Variants in PRKCQ observed in about 807,000 individuals in gnomAD.
The protein encoded by PRKCQ is protein kinase C theta type.
A neutral mutation model predicts 91.2 loss-of-function variants in PRKCQ; 41 were observed. That is an observed-to-expected ratio of 0.45 (90% CI 0.35 to 0.58). PRKCQ has a LOEUF of 0.58. Among genes scored for constraint, PRKCQ ranks in the 20% least tolerant of loss-of-function variants. The pLI is 0.00. For missense variants in PRKCQ, 673 were observed against 896.5 expected (o/e 0.75, Z 3.18); for synonymous variants, 307 against 316.9 (o/e 0.97, Z 0.33).
rs1351428583 is a variant in PRKCQ at position 6,453,122 on chromosome 10, C to G, written c.1647+3552G>C. On this transcript the variant is annotated intron_variant, in intron 15 of 17. Transcript: ENST00000263125. Reference sequence around the variant, plus strand: ...TCTGCACAGCAAAAGAAACTACCATCAGAGTGAACAGGCAACCTACAAAAT... The same window carrying G: ...TCTGCACAGCAAAAGAAACTACCATGAGAGTGAACAGGCAACCTACAAAAT... Among the ~76,000 whole-genome samples, 1,223 of 150,852 alleles carry G rather than the reference C, an allele frequency of 8.1e-3. 18 individuals carry two copies. The highest frequency in any genetic ancestry group is 0.028 in the African/African-American group (1,168 of 41,272).
chr10:6,482,320 A>G (rs1218351835), intron 11 of PRKCQ, among the ~76,000 whole-genome samples: 1 of 152,212 alleles, frequency 6.6e-6, no homozygotes, highest in African/African-American at 2.4e-5. Flanking sequence ...AAATTTAAGC[A>G]GAGTGTGGTG....
chr10:6,408,941 T>G, the PRKCQ span, among the ~76,000 whole-genome samples: 1 of 152,236 alleles, frequency 6.6e-6, no homozygotes, highest in Non-Finnish European at 1.5e-5. Flanking sequence ...GTTTTACTAG[T>G]CAATTCCAAA....
At chr10:6,401,236 C>T in the PRKCQ span, among the ~76,000 whole-genome samples, 1 of 152,182 alleles carries the variant, frequency 6.6e-6, no homozygotes, top group Non-Finnish European at 1.5e-5. Context: ...GAAAACATTG[C>T]AACCTGCCGA....
chr10:6,437,688 G>T (rs1344071885), intron 16 of PRKCQ, among the ~76,000 whole-genome samples: 2 of 151,772 alleles, frequency 1.3e-5, no homozygotes, highest in Non-Finnish European at 1.5e-5. Context: ...GTCTTGCTCT[G>T]TCGCCCAGGC....
intron 3 of PRKCQ, 104 bp downstream of exon 3, chr10:6,510,891 G>A: frequency 8.8e-6 from 12 of 1,356,182 alleles, no homozygotes; most frequent in East Asian, 2.3e-5. Flanking sequence ...CTGGTGACCC[G>A]AGGCCAGTGT....
chr10:6,541,858 T>C (rs1839787104), intron 1 of PRKCQ, among the ~76,000 whole-genome samples: 1 of 152,222 alleles, frequency 6.6e-6, no homozygotes, highest in Non-Finnish European at 1.5e-5. Flanking sequence ...TGAAGTAATA[T>C]CTACTCTTTA....
At position 6,489,407 on chromosome 10, in the gene PRKCQ, G is replaced by A. The variant is rs747262032; in HGVS notation, c.790+2276C>T. On this transcript the variant is annotated intron_variant, in intron 8 of 17. Coordinates refer to ENST00000263125, the MANE Select transcript of PRKCQ (RefSeq NM_006257.5). The stretch of plus-strand genomic sequence containing the variant: ...GTCTTTGTTACTAACCTATCAGGCC[G>A]TAACTCAGTTTCTTGGAGGGCAAAG... 18 of 530,962 alleles carry A rather than the reference G, an allele frequency of 3.4e-5. 1 individual carries two copies. Among genetic ancestry groups the A allele is most frequent in the East Asian group, 5.5e-5 (1 of 18,296 alleles). 32.9% of individuals were successfully genotyped at this position (530,962 alleles called of 1,614,324 possible). A position where few individuals can be genotyped will look rare whatever the true frequency, so the allele number is the denominator to read the frequency against.
At chr10:6,542,595 C>A (rs1023105319) in intron 1 of PRKCQ, among the ~76,000 whole-genome samples, 1 of 152,220 alleles carries the variant, frequency 6.6e-6, no homozygotes, top group Non-Finnish European at 1.5e-5. Flanking sequence ...GTGAACAGTT[C>A]TCCCTCGGGG....
At chr10:6,419,359 T>C in the PRKCQ span, among the ~76,000 whole-genome samples, 1 of 152,194 alleles carries the variant, frequency 6.6e-6, no homozygotes, top group African/African-American at 2.4e-5. Context: ...GTATCTTAAG[T>C]AGATTTGTGT....
intron 1 of PRKCQ, among the ~76,000 whole-genome samples, chr10:6,566,509 T>C (rs1015951542): frequency 2.5e-4 from 38 of 152,122 alleles, no homozygotes; most frequent in African/African-American, 8.9e-4. Flanking sequence ...TTCCCACTTC[T>C]GGGATTTTTC....
At position 6,497,401 on chromosome 10, in the gene PRKCQ, A is replaced by T; in HGVS notation, c.543-150T>A. On this transcript the variant is annotated intron_variant, in intron 5 of 17. Transcript: ENST00000263125. The surrounding 1 kb of genome is among the most constrained non-coding windows in gnomAD (Gnocchi z 4.5). ...TGTTGTATCATTTGCCAAGAGTATT[A>T]ACAGAGTGTTTTTCATTTGAAGCTG... The T allele has an allele frequency of 1.1e-6, 1 of 910,866 alleles. No homozygotes were observed. The highest frequency in any genetic ancestry group is 1.7e-6 in the Non-Finnish European group (1 of 576,902). 56.4% of individuals were successfully genotyped at this position (910,866 alleles called of 1,614,324 possible).
the PRKCQ span, among the ~76,000 whole-genome samples, chr10:6,421,721 A>C: frequency 3.3e-5 from 5 of 152,364 alleles, no homozygotes; most frequent in South Asian, 1.0e-3. The surrounding 1 kb of genome is among the most constrained non-coding windows in gnomAD (Gnocchi z 4.1). Flanking sequence ...GCACTTAAGC[A>C]TTTTTGACAA....
At chr10:6,458,209 T>C (rs1835127077) in intron 14 of PRKCQ, among the ~76,000 whole-genome samples, 1 of 152,226 alleles carries the variant, frequency 6.6e-6, no homozygotes, top group Non-Finnish European at 1.5e-5. Flanking sequence ...GCTGGGATTA[T>C]AGGCGTGAGC....
At chr10:6,456,922 C>A in intron 14 of PRKCQ, 110 bp from the exon 15 acceptor site, 7 of 1,138,448 alleles carry the variant, frequency 6.1e-6, no homozygotes, top group Middle Eastern at 2.4e-4. Flanking sequence ...GAGGGGCTCA[C>A]GAGAGGCGCT....
intron 1 of PRKCQ, among the ~76,000 whole-genome samples, chr10:6,517,475 T>C (rs1020775160): frequency 6.6e-6 from 1 of 151,892 alleles, no homozygotes; most frequent in African/African-American, 2.4e-5. Flanking sequence ...CATTCTTGCA[T>C]GACATCCTAT....
At chr10:6,517,986 T>C (rs548145513) in intron 1 of PRKCQ, among the ~76,000 whole-genome samples, 47 of 152,350 alleles carry the variant, frequency 3.1e-4, no homozygotes, top group African/African-American at 9.4e-4. Context: ...TGTAATTGCA[T>C]GTACCATTCC....
At chr10:6,466,584 G>A (rs1283599566) in intron 12 of PRKCQ, among the ~76,000 whole-genome samples, 1 of 152,216 alleles carries the variant, frequency 6.6e-6, no homozygotes, top group Non-Finnish European at 1.5e-5. Context: ...ACAAATGTAT[G>A]CACATACAAA....
At chr10:6,443,177 T>C (rs527492085) in intron 15 of PRKCQ, among the ~76,000 whole-genome samples, 1 of 152,210 alleles carries the variant, frequency 6.6e-6, no homozygotes, top group Admixed American at 6.5e-5. Flanking sequence ...AATTCCTTTT[T>C]GGACATTGGA....
At chr10:6,466,687 TAAATAC>T (rs913189798) in intron 12 of PRKCQ, among the ~76,000 whole-genome samples, 2 of 152,102 alleles carry the variant, frequency 1.3e-5, no homozygotes. Flanking sequence ...TCATAAAAGG[TAAATAC>T]AAATATAATA....
Sources: allele counts gnomAD v4.1 joint callset (sites outside exome capture counted in the v4.1 genomes callset), GRCh38; gene constraint gnomAD v4.1.1; non-coding constraint Gnocchi (gnomAD v3.1); transcripts MANE v1.5; gene names NCBI Gene and HGNC (gene_info 2026-07-23, HGNC 2026-07-21).